Variants in THOC5 observed in about 807,000 individuals in gnomAD.
THOC5 encodes the protein Fms-interacting protein.
THOC5 carries 43 observed loss-of-function variants against 92.9 expected under a neutral mutation model. The ratio of observed to expected loss-of-function variants is 0.46; its 90% confidence interval spans 0.36 to 0.60. The LOEUF (loss-of-function observed/expected upper bound fraction) is 0.60. Among genes scored for constraint, THOC5 ranks in the 20% least tolerant of loss-of-function variants. The pLI is 0.00. For synonymous variants in THOC5, 296 were observed against 320.1 expected (o/e 0.92, Z 0.80); for missense variants, 659 against 849.4 (o/e 0.78, Z 2.79).
chr22:29,541,932 CA>C (rs749939847), intron 5 of THOC5, among the ~76,000 whole-genome samples: 12 of 126,470 alleles, frequency 9.5e-5, no homozygotes, highest in Non-Finnish European at 1.6e-4. Flanking sequence ...ATCCTGGACC[CA>C]ATGTCTAATA....
chr22:29,544,545 T>C lies in THOC5; in HGVS notation c.155A>G (p.Tyr52Cys), dbSNP rs751091978. 6.2e-7 allele frequency: 1 copy of C among 1,613,890 alleles called. No homozygotes were observed. The highest frequency in any genetic ancestry group is 1.3e-5 in the African/African-American group (1 of 74,918). ...EVDLRDPGRD[Y>C]ELYKYTCQEL... is the part of the protein sequence containing the mutation. ...CTGGCAGGTGTACTTGTATAACTCATAGTCTCTGCCAGGGTCCCGCAGATC... is the reference window on the plus strand; with the variant it reads ...CTGGCAGGTGTACTTGTATAACTCACAGTCTCTGCCAGGGTCCCGCAGATC... The change falls in exon 3 of 20, where the codon TAT becomes TGT. Residue 52 changes from tyrosine (Y) to cysteine (C), a missense_variant. Tyr to Cys is a radical substitution (Grantham distance 194). Coordinates refer to ENST00000490103, the MANE Select transcript of THOC5 (RefSeq NM_003678.5).
Position 29,539,449 on chromosome 22 carries a change from G to T in THOC5, c.480C>A (p.Val160=). 1 of 1,613,782 alleles carries T rather than the reference G, an allele frequency of 6.2e-7. No individual in the cohort carries two copies. Among genetic ancestry groups the T allele is most frequent in the South Asian group, 1.1e-5 (1 of 91,036 alleles). ...FKSKHEEIDL[V]SLEEFYKEAP... ...CCTCCTTATAAAACTCCTCTAAACT[G>T]ACCAGATCAATTTCTTCATGCTTTG... The change falls in exon 6 of 20, where the codon GTC becomes GTA. Residue 160 remains valine, a synonymous_variant. Coordinates refer to ENST00000490103, the MANE Select transcript of THOC5 (RefSeq NM_003678.5).
chr22:29,547,042 C>T (rs960138397), intron 2 of THOC5, among the ~76,000 whole-genome samples: 4 of 151,924 alleles, frequency 2.6e-5, no homozygotes, highest in African/African-American at 9.7e-5. Flanking sequence ...TAGGGTTTTG[C>T]CATGTTGGCC....
At chr22:29,541,149 C>A (rs552476814) in intron 5 of THOC5, among the ~76,000 whole-genome samples, 8 of 151,786 alleles carry the variant, frequency 5.3e-5, no homozygotes, top group African/African-American at 1.2e-4. Context: ...CACGCCACCA[C>A]ACTCCAGCCT....
intron 12 of THOC5, among the ~76,000 whole-genome samples, chr22:29,521,443 C>T (rs768747567): frequency 3.3e-5 from 5 of 152,152 alleles, no homozygotes; most frequent in Non-Finnish European, 7.3e-5. Flanking sequence ...CTCATCCCTT[C>T]AAGATTTATA....
intron 19 of THOC5, among the ~76,000 whole-genome samples, chr22:29,510,355 G>A (rs1297147209): frequency 2.0e-5 from 3 of 152,188 alleles, no homozygotes; most frequent in Admixed American, 2.0e-4. Flanking sequence ...CCAGCACTTT[G>A]GGAGGCTGAG....
At chr22:29,530,531 T>A (rs548166122) in intron 8 of THOC5, among the ~76,000 whole-genome samples, 93 of 150,972 alleles carry the variant, frequency 6.2e-4, no homozygotes, top group African/African-American at 1.8e-3. Context: ...AAAAAAAAAA[T>A]TTTTTTTAAT....
chr22:29,531,392 G>C (rs1421582568), intron 8 of THOC5: 1 of 985,294 alleles, frequency 1.0e-6, no homozygotes, highest in Non-Finnish European at 1.2e-6. Context: ...CATCTAACCT[G>C]GAAATTCACA....
intron 8 of THOC5, among the ~76,000 whole-genome samples, chr22:29,529,445 G>A (rs2063610427): frequency 6.6e-6 from 1 of 152,188 alleles, no homozygotes; most frequent in African/African-American, 2.4e-5. Flanking sequence ...TGAGAACAGA[G>A]AACTTAAGTA....
chr22:29,541,629 A>G (rs1477923683), intron 5 of THOC5, among the ~76,000 whole-genome samples: 1 of 151,204 alleles, frequency 6.6e-6, no homozygotes, highest in Admixed American at 6.6e-5. Flanking sequence ...TGGGAGGCTG[A>G]GGCAGGCGGA....
intron 19 of THOC5, among the ~76,000 whole-genome samples, chr22:29,510,367 C>G (rs760009969): frequency 2.0e-5 from 3 of 152,170 alleles, no homozygotes; most frequent in Non-Finnish European, 4.4e-5. Context: ...GAGGCTGAGA[C>G]AAGCTGATCA....
rs887594664 is a variant in THOC5, at chr22:29,531,889, G to T, written c.789C>A (p.His263Gln). 2.5e-6 allele frequency: 4 copies of T among 1,614,182 alleles called. No homozygotes were observed. Among genetic ancestry groups the T allele is most frequent in the Non-Finnish European group, 3.4e-6 (4 of 1,180,046 alleles). ...QAHKQYETARHLPPPLYVLFV... is the reference protein window; with the variant it reads ...QAHKQYETARQLPPPLYVLFV... ...AGAGGACATAGAGGGGAGGCGGCAG[G>T]TGTCTGGCTGTCTCATACTGCTTGT... Residue 263 changes from histidine to glutamine, a missense_variant, in exon 8 of 20, where the codon CAC becomes CAA. Physicochemically the swap from His to Gln is conservative, Grantham distance 24. Transcript: ENST00000490103.
intron 19 of THOC5, 139 bp downstream of exon 19, chr22:29,510,967 A>T: frequency 1.1e-6 from 1 of 873,492 alleles, no homozygotes; most frequent in Non-Finnish European, 1.8e-6. Flanking sequence ...TTAGTGAAAA[A>T]CAGGTGGACC....
intron 12 of THOC5, among the ~76,000 whole-genome samples, chr22:29,523,201 C>A (rs1183174551): frequency 1.3e-5 from 2 of 151,738 alleles, no homozygotes; most frequent in Non-Finnish European, 2.9e-5. Context: ...AAGATCTCAC[C>A]ACTGCACTCC....
At position 29,505,979 on chromosome 22, in the gene THOC5, C is replaced by T. The variant is rs1408415640; in HGVS notation, c.*2478G>A. ...GATTCAAGCAATTCTCCTGCCTCAG[C>T]CTCCCGAGTGGCTGGGATTACAGGC... On this transcript the variant is annotated 3_prime_UTR_variant, in exon 20 of 20. Coordinates refer to ENST00000490103, the MANE Select transcript of THOC5 (RefSeq NM_003678.5). The T allele has an allele frequency of 6.6e-6, 1 of 152,044 alleles. No homozygotes were observed. The highest frequency in any genetic ancestry group is 1.9e-4 in the East Asian group (1 of 5,188). 9.4% of individuals were successfully genotyped at this position (152,044 alleles called of 1,614,324 possible). A position where few individuals can be genotyped will look rare whatever the true frequency, so the allele number is the denominator to read the frequency against.
chr22:29,533,723 A>G (rs1362703040), intron 7 of THOC5, among the ~76,000 whole-genome samples: 1 of 152,228 alleles, frequency 6.6e-6, no homozygotes, highest in Non-Finnish European at 1.5e-5. Flanking sequence ...GAGGTTATCC[A>G]AAAGGCAAAA....
At chr22:29,512,521 G>C (rs1176787957) in intron 17 of THOC5, among the ~76,000 whole-genome samples, 1 of 152,164 alleles carries the variant, frequency 6.6e-6, no homozygotes, top group South Asian at 2.1e-4. Context: ...CAACAATACT[G>C]TGTATCAACT....
At chr22:29,543,255 G>A (rs1261281815) in intron 4 of THOC5, among the ~76,000 whole-genome samples, 174 bp downstream of exon 4, 1 of 150,014 alleles carries the variant, frequency 6.7e-6, no homozygotes, top group Non-Finnish European at 1.5e-5. Context: ...GGCTGAGGCA[G>A]GAGAATCGCT....
chr22:29,540,053 G>T (rs558399529), intron 5 of THOC5, among the ~76,000 whole-genome samples: 37 of 152,350 alleles, frequency 2.4e-4, no homozygotes, highest in African/African-American at 8.2e-4. Flanking sequence ...GCCAAGGCAG[G>T]TGGATTACCT....
Sources: allele counts gnomAD v4.1 joint callset (sites outside exome capture counted in the v4.1 genomes callset), GRCh38; gene constraint gnomAD v4.1.1; transcripts MANE v1.5; gene names NCBI Gene and HGNC (gene_info 2026-07-23, HGNC 2026-07-21).